The following FAM193A variants were observed in gnomAD, a reference collection of about 807,000 sequenced individuals.
The protein encoded by FAM193A is protein FAM193A.
In FAM193A, 22 loss-of-function variants were observed where a neutral mutation model predicts 126.5. The observed-to-expected ratio is 0.17, with a 90% confidence interval of 0.12 to 0.25. The LOEUF is 0.25. FAM193A is among the 10% of genes least tolerant of loss of function. The probability of loss-of-function intolerance (pLI) is 1.00; values close to 1 mark genes in which losing one functional copy is unlikely to be tolerated. For synonymous variants in FAM193A, 761 were observed against 646.8 expected (o/e 1.18, Z -2.68); for missense variants, 1,675 against 1,672.8 (o/e 1.00, Z -0.02).
intron 17 of FAM193A, 124 bp from the exon 18 acceptor site, chr4:2,696,239 C>G: frequency 1.5e-6 from 1 of 666,418 alleles, no homozygotes. Context: ...GTTGTATTTC[C>G]TTATTTTTCA....
At chr4:2,660,766 T>C (rs537757822) in intron 10 of FAM193A, among the ~76,000 whole-genome samples, 1 of 152,232 alleles carries the variant, frequency 6.6e-6, no homozygotes, top group Non-Finnish European at 1.5e-5. Context: ...CCAACTGACT[T>C]GTGTTCATTC....
chr4:2,548,149 G>A (rs2108814067), intron 1 of FAM193A, among the ~76,000 whole-genome samples: 1 of 147,132 alleles, frequency 6.8e-6, no homozygotes, highest in Non-Finnish European at 1.5e-5. Flanking sequence ...TCGGCTCACT[G>A]CTACCTCTGC....
At position 2,705,385 on chromosome 4, in the gene FAM193A, T is replaced by C. The variant is rs530311500; in HGVS notation, c.4372+4841T>C. 7.2e-5 allele frequency among the ~76,000 whole-genome samples: 11 copies of C among 152,322 alleles called. No individual in the cohort carries two copies. In the South Asian group the frequency reaches 2.3e-3, roughly 32 times the overall value. On this transcript the variant is annotated intron_variant, in intron 19 of 20. Coordinates refer to ENST00000637812, the MANE Select transcript of FAM193A (RefSeq NM_001366318.2). ...TTTTTTATTGCCTCTGGATTTTGAA[T>C]AATTGTTAGAAAGCTTTACGCTAAC...
chr4:2,624,746 TACCC>T (rs1341671760), intron 2 of FAM193A, among the ~76,000 whole-genome samples: 1 of 152,242 alleles, frequency 6.6e-6, no homozygotes, highest in East Asian at 1.9e-4. Flanking sequence ...CTTGCTGTGT[TACCC>T]AGGCTGGTCT....
At position 2,578,284 on chromosome 4, in the gene FAM193A, C is replaced by T. The variant is rs186074203; in HGVS notation, c.256-17800C>T. Among the ~76,000 whole-genome samples the T allele has an allele frequency of 3.5e-3, 532 of 152,124 alleles. 2 individuals are homozygous for T. The highest frequency in any genetic ancestry group is 0.015 in the South Asian group (70 of 4,814). On this transcript the variant is annotated intron_variant, in intron 1 of 20. Coordinates refer to ENST00000637812, the MANE Select transcript of FAM193A (RefSeq NM_001366318.2). ...ATTTTTCTGATTTTAATTTGCTACC[C>T]GTGCATTTTTTTTGCATTGCCTGCT...
At chr4:2,609,181 C>T (rs932355635) in intron 2 of FAM193A, among the ~76,000 whole-genome samples, 12 of 151,970 alleles carry the variant, frequency 7.9e-5, no homozygotes, top group African/African-American at 2.7e-4. Flanking sequence ...TCTGAGCCAC[C>T]GTGCCTGGCT....
chr4:2,642,532 T>C (rs1255940305), intron 6 of FAM193A, among the ~76,000 whole-genome samples: 6 of 152,212 alleles, frequency 3.9e-5, no homozygotes. Flanking sequence ...GGAGTAGGCT[T>C]TGTCCCTGGT....
intron 19 of FAM193A, among the ~76,000 whole-genome samples, chr4:2,706,575 C>T (rs1425720581): frequency 6.6e-6 from 1 of 151,912 alleles, no homozygotes; most frequent in Non-Finnish European, 1.5e-5. Flanking sequence ...GGATTACAGG[C>T]GTGAGCCACC....
At chr4:2,698,272 T>C (rs1345297977) in intron 18 of FAM193A, among the ~76,000 whole-genome samples, 1 of 152,210 alleles carries the variant, frequency 6.6e-6, no homozygotes, top group African/African-American at 2.4e-5. Context: ...TGTCCATATA[T>C]TGACAAGGCA....
intron 20 of FAM193A, among the ~76,000 whole-genome samples, chr4:2,720,649 A>T (rs1460934816): frequency 4.8e-5 from 4 of 83,700 alleles, no homozygotes; most frequent in Non-Finnish European, 1.2e-4. Flanking sequence ...ACTCTGTCTA[A>T]AAAAAAAAAA....
At chr4:2,575,980 C>G (rs913401385) in intron 1 of FAM193A, among the ~76,000 whole-genome samples, 2 of 152,120 alleles carry the variant, frequency 1.3e-5, no homozygotes, top group Non-Finnish European at 2.9e-5. Flanking sequence ...AGTTAGACAA[C>G]AATGAGGGAT....
chr4:2,699,876 A>G lies in FAM193A; in HGVS notation c.3704A>G (p.Asp1235Gly), dbSNP rs1487986168. 1.2e-6 allele frequency: 2 copies of G among 1,613,920 alleles called. No individual in the cohort carries two copies. Among genetic ancestry groups the G allele is most frequent in the East Asian group, 4.5e-5 (2 of 44,890 alleles). ...KKKKKERPSK[D>G]CPKLDMLTRN... ...AAGAAGAAGGAGAGGCCAAGTAAAG[A>G]CTGCCCCAAGTTGGACATGCTCACT... Residue 1235 changes from aspartate to glycine, a missense_variant, in exon 19 of 21, where the codon GAC (aspartate) becomes GGC (glycine). Coordinates refer to ENST00000637812, the MANE Select transcript of FAM193A (RefSeq NM_001366318.2).
intron 19 of FAM193A, among the ~76,000 whole-genome samples, chr4:2,710,094 GT>G (rs1194664513): frequency 1.4e-5 from 2 of 147,132 alleles, no homozygotes; most frequent in African/African-American, 5.0e-5. Flanking sequence ...TAAGTTAATA[GT>G]TTATGTATTT....
In FAM193A at chr4:2,552,842, A is replaced by AATTT. The variant is rs1379897915; in HGVS notation, c.255+15672_255+15673insATTT. 4.0e-3 allele frequency among the ~76,000 whole-genome samples: 535 copies of AATTT among 135,038 alleles called. 6 individuals are homozygous for AATTT. The highest frequency in any genetic ancestry group is 0.016 in the African/African-American group (511 of 32,932). 88.6% of individuals were successfully genotyped at this position (135,038 alleles called of 152,430 possible). ...GTGAGCCACCGCGCCCGGCCACAGA[A>AATTT]CTTTCTTTTTTTTTTTTTTTTTTTT... On this transcript the variant is annotated intron_variant, in intron 1 of 20. Coordinates refer to ENST00000637812, the MANE Select transcript of FAM193A (RefSeq NM_001366318.2).
intron 13 of FAM193A, among the ~76,000 whole-genome samples, chr4:2,674,227 A>G (rs950256869): frequency 3.3e-5 from 5 of 152,206 alleles, no homozygotes; most frequent in African/African-American, 1.2e-4. Context: ...ACAAACTTGA[A>G]TTGTCACTTA....
At chr4:2,660,605 G>A (rs960864931) in intron 10 of FAM193A, among the ~76,000 whole-genome samples, 1 of 152,210 alleles carries the variant, frequency 6.6e-6, no homozygotes, top group Non-Finnish European at 1.5e-5. Flanking sequence ...CAAAAGGGTT[G>A]CACTTGATCA....
intron 1 of FAM193A, among the ~76,000 whole-genome samples, chr4:2,537,559 G>A (rs2108795878): frequency 1.3e-5 from 2 of 152,362 alleles, no homozygotes; most frequent in East Asian, 3.9e-4. Flanking sequence ...TACCCGCGAG[G>A]CCCGGGCTTC....
intron 18 of FAM193A, among the ~76,000 whole-genome samples, chr4:2,699,443 CCCCCA>C (rs893604390): frequency 3.5e-5 from 3 of 86,102 alleles, no homozygotes; most frequent in African/African-American, 1.2e-4. Context: ...ACCACCCCCC[CCCCCA>C]CACACACACA....
At chr4:2,678,395 C>T (rs545553545) in intron 13 of FAM193A, among the ~76,000 whole-genome samples, 1 of 138,036 alleles carries the variant, frequency 7.2e-6, no homozygotes, top group Non-Finnish European at 1.5e-5. Context: ...CAGAATCTCA[C>T]TTTGTCGCCT....
Sources: allele counts gnomAD v4.1 joint callset (sites outside exome capture counted in the v4.1 genomes callset), GRCh38; gene constraint gnomAD v4.1.1; transcripts MANE v1.5; gene names NCBI Gene and HGNC (gene_info 2026-07-23, HGNC 2026-07-21).